Variants in CCDC178 observed in about 807,000 individuals in gnomAD.
CCDC178 encodes coiled-coil domain containing 178.
CCDC178 carries 126 observed loss-of-function variants against 117.4 expected under a neutral mutation model. The observed-to-expected ratio is 1.07, with a 90% confidence interval of 0.93 to 1.24. The LOEUF is 1.24. CCDC178 is among the 50% of genes most tolerant of loss of function. The pLI, the probability that CCDC178 is intolerant of heterozygous loss-of-function variation, is 0.00. For synonymous variants in CCDC178, 283 were observed against 313.4 expected (o/e 0.90, Z 1.02); for missense variants, 1,030 against 986.9 (o/e 1.04, Z -0.59).
chr18:33,051,231 C>T (rs1201275356), intron 21 of CCDC178, among the ~76,000 whole-genome samples: 1 of 151,844 alleles, frequency 6.6e-6, no homozygotes, highest in East Asian at 1.9e-4. Context: ...ATGTTTTCAC[C>T]CCTTACATTC....
At chr18:33,035,826 A>G (rs2056433990) in intron 21 of CCDC178, among the ~76,000 whole-genome samples, 1 of 152,120 alleles carries the variant, frequency 6.6e-6, no homozygotes, top group Non-Finnish European at 1.5e-5. Context: ...TAAATATTCA[A>G]AAGAGTTTGG....
intron 2 of CCDC178, among the ~76,000 whole-genome samples, chr18:33,439,617 T>C (rs530371794): frequency 1.4e-3 from 208 of 152,380 alleles, no homozygotes; most frequent in African/African-American, 4.8e-3. Context: ...CAACTAGTCA[T>C]GTCTCTGAGT....
At chr18:33,069,910 AG>A (rs1271244420) in intron 21 of CCDC178, among the ~76,000 whole-genome samples, 2 of 152,136 alleles carry the variant, frequency 1.3e-5, no homozygotes, top group Non-Finnish European at 2.9e-5. Flanking sequence ...AATGACCAAT[AG>A]GTAAATGAAA....
At chr18:33,357,813 GATAT>G (rs35500149) in intron 6 of CCDC178, among the ~76,000 whole-genome samples, 70 of 143,336 alleles carry the variant, frequency 4.9e-4, no homozygotes, top group African/African-American at 1.4e-3. Context: ...AAAATTATAT[GATAT>G]ATATATATAT....
Position 33,408,491 on chromosome 18 carries a change from T to C in CCDC178, c.58+3540A>G, listed in dbSNP as rs375394004. On this transcript the variant is annotated intron_variant, in intron 3 of 22. Transcript: ENST00000383096. ...AACTTGTTAGATGAAATAAAATATA[T>C]AGAACTGTATATGTATTACATTAAT... 3.8e-4 allele frequency among the ~76,000 whole-genome samples: 57 copies of C among 151,894 alleles called. No homozygotes were observed. In the South Asian group the frequency reaches 7.3e-3, roughly 19 times the overall value.
intron 15 of CCDC178, among the ~76,000 whole-genome samples, chr18:33,228,357 C>G (rs1407689838): frequency 9.2e-5 from 14 of 151,856 alleles, no homozygotes; most frequent in Non-Finnish European, 1.6e-4. Flanking sequence ...AGTGAGAAAG[C>G]AAGTTATTAT....
chr18:33,227,181 A>G (rs1236942919), intron 15 of CCDC178, among the ~76,000 whole-genome samples: 1 of 151,980 alleles, frequency 6.6e-6, no homozygotes, highest in Non-Finnish European at 1.5e-5. Context: ...TGTTTTTAAT[A>G]TTACTTTCTG....
chr18:33,225,499 A>G (rs990984528), intron 16 of CCDC178, among the ~76,000 whole-genome samples: 2 of 152,190 alleles, frequency 1.3e-5, no homozygotes, highest in Non-Finnish European at 2.9e-5. Flanking sequence ...TATTGTTAGA[A>G]GGAATGAGAG....
In CCDC178 at chr18:32,950,797, A is replaced by G. The variant is rs116913478; in HGVS notation, c.2524-12706T>C. Among the ~76,000 whole-genome samples, 482 of 152,352 alleles carry G rather than the reference A, an allele frequency of 3.2e-3. 2 individuals are homozygous for G. Among genetic ancestry groups the G allele is most frequent in the Non-Finnish European group, 5.0e-3 (342 of 68,032 alleles). On this transcript the variant is annotated intron_variant, in intron 22 of 22. Coordinates refer to ENST00000383096, the MANE Select transcript of CCDC178 (RefSeq NM_001105528.4). Reference sequence around the variant, plus strand: ...AGACATACTACTTCAAAGGAAGCATATTAAAAGGTAAAAAATTAATCTATA... The same window carrying G: ...AGACATACTACTTCAAAGGAAGCATGTTAAAAGGTAAAAAATTAATCTATA...
At chr18:33,146,978 T>A (rs2058275441) in intron 20 of CCDC178, among the ~76,000 whole-genome samples, 1 of 151,988 alleles carries the variant, frequency 6.6e-6, no homozygotes, top group African/African-American at 2.4e-5. Context: ...AGACCTTAAT[T>A]AAGAAAACTG....
chr18:33,248,421 C>T (rs577923905), intron 14 of CCDC178, among the ~76,000 whole-genome samples: 3 of 138,318 alleles, frequency 2.2e-5, no homozygotes, highest in South Asian at 2.7e-4. Flanking sequence ...ATCCCTCCCC[C>T]TTCCCTCACC....
intron 11 of CCDC178, among the ~76,000 whole-genome samples, chr18:33,318,422 G>C (rs891426619): frequency 1.3e-5 from 2 of 152,176 alleles, no homozygotes; most frequent in African/African-American, 4.8e-5. Flanking sequence ...CAGTCATATG[G>C]TCTTCATGTT....
At chr18:32,972,786 C>T (rs1234692801) in intron 22 of CCDC178, among the ~76,000 whole-genome samples, 1 of 152,070 alleles carries the variant, frequency 6.6e-6, no homozygotes. Context: ...GTGTACCATG[C>T]TGAAGGTTGT....
intron 21 of CCDC178, among the ~76,000 whole-genome samples, chr18:33,019,968 TAG>T (rs1317953127): frequency 1.3e-5 from 2 of 148,288 alleles, no homozygotes; most frequent in Non-Finnish European, 3.0e-5. Flanking sequence ...TTATTTGAGA[TAG>T]AGTCTTACTC....
At chr18:32,960,696 C>T (rs1270408842) in intron 22 of CCDC178, among the ~76,000 whole-genome samples, 4 of 152,096 alleles carry the variant, frequency 2.6e-5, no homozygotes, top group South Asian at 2.1e-4. Context: ...CACTATGCTT[C>T]ACCCATACAG....
chr18:33,440,951 C>G (rs962869882), upstream of CCDC178: 1 of 152,342 alleles, frequency 6.6e-6, no homozygotes, highest in African/African-American at 2.4e-5. Flanking sequence ...CCCTCTTTAC[C>G]GGAGAGGGAA....
intron 19 of CCDC178, among the ~76,000 whole-genome samples, chr18:33,215,217 A>C (rs925193493): frequency 1.3e-5 from 2 of 152,056 alleles, no homozygotes; most frequent in African/African-American, 4.8e-5. Flanking sequence ...GTGAAAAAAC[A>C]TAAATTATTA....
chr18:33,135,298 T>A (rs2058111580), intron 20 of CCDC178, among the ~76,000 whole-genome samples: 2 of 152,068 alleles, frequency 1.3e-5, no homozygotes, highest in South Asian at 4.1e-4. Flanking sequence ...TGGTCAAAGT[T>A]TTGGTAAATA....
chr18:33,412,782 C>T (rs910156610), intron 2 of CCDC178, among the ~76,000 whole-genome samples: 5 of 152,120 alleles, frequency 3.3e-5, no homozygotes, highest in Admixed American at 6.5e-5. Flanking sequence ...TTTGTGTTCA[C>T]ATTTGTCTCA....
Sources: allele counts gnomAD v4.1 joint callset (sites outside exome capture counted in the v4.1 genomes callset), GRCh38; gene constraint gnomAD v4.1.1; transcripts MANE v1.5; gene names NCBI Gene and HGNC (gene_info 2026-07-23, HGNC 2026-07-21).